Variants in TAFA5 observed in about 807,000 individuals in gnomAD.
TAFA5 encodes the protein chemokine-like protein TAFA-5.
A neutral mutation model predicts 15.3 loss-of-function variants in TAFA5; 6 were observed. The observed-to-expected ratio is 0.39, with a 90% CI of 0.21 to 0.77. The LOEUF is 0.77. Ranked by LOEUF, TAFA5 falls within the 30% of genes least tolerant of loss-of-function variation. The pLI, the probability that TAFA5 is intolerant of heterozygous loss-of-function variation, is 0.41. For missense variants in TAFA5, 161 were observed against 193.1 expected (o/e 0.83, Z 0.98); for synonymous variants, 103 against 80.7 (o/e 1.28, Z -1.48).
rs73889561 is a variant in TAFA5 at position 48,674,036 on chromosome 22, C to A, written c.262+27290C>A. ...CCTCACATCTGGACTCCTCTTCGCC[C>A]GCCTCACATCTGGACTCCTCTGCCC... is the stretch of plus-strand genomic sequence containing the variant. On this transcript the variant is annotated intron_variant, in intron 2 of 3. Coordinates refer to ENST00000402357, the MANE Select transcript of TAFA5 (RefSeq NM_001082967.3). 3.3e-5 allele frequency among the ~76,000 whole-genome samples: 5 copies of A among 150,386 alleles called. No individual in the cohort carries two copies. The Admixed American group carries it at 3.3e-4, about 10-fold the overall frequency.
intron 2 of TAFA5, among the ~76,000 whole-genome samples, chr22:48,704,522 C>T (rs117219545): frequency 3.0e-3 from 463 of 152,242 alleles, no homozygotes; most frequent in Admixed American, 5.8e-3. Context: ...CGCTGTCCCT[C>T]GGGGTTGGTG....
intron 1 of TAFA5, among the ~76,000 whole-genome samples, chr22:48,590,945 A>T (rs2147156779): frequency 6.6e-6 from 1 of 151,476 alleles, no homozygotes; most frequent in South Asian, 2.1e-4. Flanking sequence ...TCCGCCTCCC[A>T]GGTTCAAGCA....
intron 1 of TAFA5, chr22:48,544,710 G>T (rs762477106): frequency 6.4e-6 from 3 of 471,306 alleles, no homozygotes; most frequent in East Asian, 6.9e-5. Flanking sequence ...GCAGATGAGG[G>T]TGCATGTTGG....
At chr22:48,506,283 A>G (rs1245364158) in intron 1 of TAFA5, among the ~76,000 whole-genome samples, 1 of 152,166 alleles carries the variant, frequency 6.6e-6, no homozygotes. Context: ...GCAGCCTTAG[A>G]GAAGAAAACC....
intron 1 of TAFA5, among the ~76,000 whole-genome samples, chr22:48,511,344 C>A (rs565424038): frequency 1.3e-5 from 2 of 152,300 alleles, no homozygotes; most frequent in African/African-American, 4.8e-5. Flanking sequence ...GGTCAGGTGG[C>A]TGACGCTTCC....
At chr22:48,683,103 A>G (rs1196472600) in intron 2 of TAFA5, among the ~76,000 whole-genome samples, 1 of 152,172 alleles carries the variant, frequency 6.6e-6, no homozygotes, top group South Asian at 2.1e-4. Flanking sequence ...TACTTAAGTT[A>G]TACAGTCCCG....
intron 3 of TAFA5, among the ~76,000 whole-genome samples, chr22:48,722,339 A>G (rs1407187115): frequency 6.6e-6 from 1 of 152,232 alleles, no homozygotes; most frequent in Non-Finnish European, 1.5e-5. Context: ...GGATAAAGCA[A>G]ATGTGGCACA....
intron 2 of TAFA5, among the ~76,000 whole-genome samples, chr22:48,682,832 C>G (rs992974133): frequency 6.6e-6 from 1 of 152,010 alleles, no homozygotes; most frequent in African/African-American, 2.4e-5. Flanking sequence ...ATTTCTAAAG[C>G]CAGGCTCCTA....
intron 1 of TAFA5, among the ~76,000 whole-genome samples, chr22:48,513,291 G>A (rs997300381): frequency 1.3e-5 from 2 of 152,196 alleles, no homozygotes; most frequent in South Asian, 2.1e-4. Flanking sequence ...TGCTTCCTTC[G>A]ACTGTGTTTT....
chr22:48,520,194 C>T (rs554699612), intron 1 of TAFA5, among the ~76,000 whole-genome samples: 23 of 152,332 alleles, frequency 1.5e-4, no homozygotes, highest in Admixed American at 1.3e-3. Context: ...CTGGCCCTGC[C>T]AACACTTTGT....
At chr22:48,658,478 G>A (rs1026036561) in intron 2 of TAFA5, among the ~76,000 whole-genome samples, 2 of 152,224 alleles carry the variant, frequency 1.3e-5, no homozygotes, top group South Asian at 2.1e-4. Flanking sequence ...TGAAAGCCAC[G>A]CTGCATCTTG....
In TAFA5 at chr22:48,698,329, A is replaced by G. The variant is rs371521697; in HGVS notation, c.263-9388A>G. On this transcript the variant is annotated intron_variant, in intron 2 of 3. Coordinates refer to ENST00000402357, the MANE Select transcript of TAFA5 (RefSeq NM_001082967.3). The stretch of plus-strand genomic sequence containing the variant: ...CATCTCTACTAAAAATACAAAAATT[A>G]GCTGGGTGTGGTGGTGCATCCCAGC... 1.8e-4 allele frequency among the ~76,000 whole-genome samples: 28 copies of G among 151,522 alleles called. No homozygotes were observed. The East Asian group carries it at 4.6e-3, about 25-fold the overall frequency.
intron 1 of TAFA5, among the ~76,000 whole-genome samples, chr22:48,582,233 AACAC>A (rs903839176): frequency 6.6e-6 from 1 of 151,494 alleles, no homozygotes; most frequent in African/African-American, 2.4e-5. Flanking sequence ...CCACACAAAA[AACAC>A]AACGCATACC....
At chr22:48,710,142 T>C (rs999713887) in intron 3 of TAFA5, among the ~76,000 whole-genome samples, 3 of 151,992 alleles carry the variant, frequency 2.0e-5, no homozygotes, top group Non-Finnish European at 2.9e-5. Flanking sequence ...GCTTCTCCTG[T>C]GCAGCTCTGC....
intron 3 of TAFA5, among the ~76,000 whole-genome samples, chr22:48,733,620 T>C (rs1929928080): frequency 6.6e-6 from 1 of 152,208 alleles, no homozygotes; most frequent in African/African-American, 2.4e-5. Flanking sequence ...TGGAAACTAA[T>C]AAGATTTCAG....
chr22:48,685,926 G>A (rs565315379), intron 2 of TAFA5, among the ~76,000 whole-genome samples: 3 of 149,380 alleles, frequency 2.0e-5, no homozygotes, highest in Admixed American at 6.6e-5. Flanking sequence ...CCCCACGTGC[G>A]CCCCGGGAGT....
At chr22:48,589,116 GTGACAAC>G in intron 1 of TAFA5, among the ~76,000 whole-genome samples, 1 of 152,222 alleles carries the variant, frequency 6.6e-6, no homozygotes, top group East Asian at 1.9e-4. Context: ...TGCCTGCACA[GTGACAAC>G]TCCCTGCTCC....
At chr22:48,612,802 T>A (rs1925459209) in intron 1 of TAFA5, among the ~76,000 whole-genome samples, 1 of 152,168 alleles carries the variant, frequency 6.6e-6, no homozygotes, top group Middle Eastern at 3.2e-3. Context: ...CGCTGATGTG[T>A]CTCCATGTGT....
chr22:48,630,623 A>C (rs1017858400), intron 1 of TAFA5, among the ~76,000 whole-genome samples: 7 of 152,248 alleles, frequency 4.6e-5, no homozygotes, highest in African/African-American at 1.7e-4. Context: ...TAATGATGGA[A>C]GTCTGTGCAG....
Sources: gnomAD v4.1 joint callset for allele counts (sites outside exome capture counted in the v4.1 genomes callset) on GRCh38, gnomAD v4.1.1 for gene constraint, MANE v1.5 for transcripts, NCBI Gene and HGNC (gene_info 2026-07-23, HGNC 2026-07-21) for gene names.